ANXA8: variants seen among roughly 807,000 people sequenced by gnomAD.
ANXA8 encodes VAC-beta.
ANXA8 carries 9 observed loss-of-function variants against 26.8 expected under a neutral mutation model. That is an observed-to-expected ratio of 0.34 (90% CI 0.20 to 0.59). The LOEUF is 0.59. Among genes scored for constraint, ANXA8 ranks in the 20% least tolerant of loss-of-function variants. The pLI, the probability that ANXA8 is intolerant of heterozygous loss-of-function variation, is 0.84. For missense variants in ANXA8, 83 were observed against 238.5 expected, an observed-to-expected ratio of 0.35 and a Z score of 4.29; for synonymous variants, 39 against 94.8, an observed-to-expected ratio of 0.41 and a Z score of 3.42.
chr10:47,668,281 A>AT, the ANXA8 span, among the ~76,000 whole-genome samples: 1 of 150,458 alleles, frequency 6.6e-6, no homozygotes, highest in African/African-American at 2.5e-5. Context: ...AAAAGTATCG[A>AT]TTTTTTTTCA....
the ANXA8 span, among the ~76,000 whole-genome samples, chr10:47,676,111 G>T: frequency 6.6e-6 from 1 of 151,594 alleles, no homozygotes; most frequent in Non-Finnish European, 1.5e-5. Flanking sequence ...AAGAATCAGT[G>T]AATATGAAGA....
At chr10:47,488,501 G>T (rs1396189520), upstream of ANXA8, among the ~76,000 whole-genome samples, 1 of 151,032 alleles carries the variant, frequency 6.6e-6, no homozygotes. Context: ...GTGAGCCACT[G>T]CACCTGGCCT....
chr10:47,533,221 A>AC, the ANXA8 span, among the ~76,000 whole-genome samples: 4 of 141,976 alleles, frequency 2.8e-5, no homozygotes, highest in African/African-American at 1.1e-4. Context: ...ACACACACAC[A>AC]CACCCCCGCA....
the ANXA8 span, among the ~76,000 whole-genome samples, chr10:47,762,102 C>T: frequency 5.2e-4 from 70 of 135,532 alleles, no homozygotes; most frequent in Non-Finnish European, 8.1e-4. Context: ...AACCTCTACC[C>T]TCTGGGGCCC....
chr10:47,477,138 C>T lies in ANXA8; in HGVS notation c.264G>A (p.Val88=), dbSNP rs1264359211. The change falls in exon 4 of 12, where the codon GTG becomes GTA. Residue 88 remains valine, a synonymous_variant. Transcript: ENST00000585281. The part of the protein sequence containing the change: ...ELSGKFERLI[V]ALMYPPYRYE... Reference sequence around the variant, plus strand: ...ATCTGTATGGCGGGTACATAAGGGCCACAATGAGCCTCTCAAACTTGCCAC... The same window carrying T: ...ATCTGTATGGCGGGTACATAAGGGCTACAATGAGCCTCTCAAACTTGCCAC... The T allele has an allele frequency of 6.3e-7, 1 of 1,593,030 alleles. No homozygotes were observed. Among genetic ancestry groups the T allele is most frequent in the Admixed American group, 1.7e-5 (1 of 59,572 alleles).
At chr10:47,636,838 T>C in the ANXA8 span, among the ~76,000 whole-genome samples, 8 of 151,374 alleles carry the variant, frequency 5.3e-5, no homozygotes, top group African/African-American at 1.9e-4. Flanking sequence ...TATTCACAGA[T>C]AGGCCTTCAT....
At chr10:47,689,597 T>G in the ANXA8 span, 3 of 507,046 alleles carry the variant, frequency 5.9e-6, no homozygotes, top group Non-Finnish European at 1.1e-5. Flanking sequence ...ATGTTAATTA[T>G]GTTTTTGACT....
At chr10:47,775,902 C>T in the ANXA8 span, among the ~76,000 whole-genome samples, 14 of 151,378 alleles carry the variant, frequency 9.2e-5, no homozygotes, top group Non-Finnish European at 1.3e-4. Flanking sequence ...CTATGTCTAT[C>T]CAATTTCTCT....
At chr10:47,698,982 AG>A in the ANXA8 span, among the ~76,000 whole-genome samples, 4 of 151,786 alleles carry the variant, frequency 2.6e-5, no homozygotes, top group South Asian at 4.2e-4. Flanking sequence ...ACCAGGAAAA[AG>A]ATAAGGATGT....
the ANXA8 span, among the ~76,000 whole-genome samples, chr10:47,568,552 G>T: frequency 9.8e-3 from 224 of 22,884 alleles, 2 homozygotes; most frequent in African/African-American, 0.016. Context: ...TATGAGTCTT[G>T]TTTTTTTTTT....
chr10:47,626,741 G>A, the ANXA8 span, among the ~76,000 whole-genome samples: 1 of 150,258 alleles, frequency 6.7e-6, no homozygotes, highest in Non-Finnish European at 1.5e-5. Context: ...ACATTAATGT[G>A]GTTAATTGTC....
chr10:47,724,868 A>G, the ANXA8 span, among the ~76,000 whole-genome samples: 1 of 137,608 alleles, frequency 7.3e-6, no homozygotes, highest in African/African-American at 2.6e-5. Flanking sequence ...CATGGCAACT[A>G]CGAATCTGCT....
At chr10:47,670,357 T>G in the ANXA8 span, among the ~76,000 whole-genome samples, 1 of 152,008 alleles carries the variant, frequency 6.6e-6, no homozygotes, top group Non-Finnish European at 1.5e-5. Context: ...CATTTGTTTT[T>G]ATTCTTTTAG....
At chr10:47,953,350 A>G in the ANXA8 span, among the ~76,000 whole-genome samples, 1 of 150,286 alleles carries the variant, frequency 6.7e-6, no homozygotes, top group African/African-American at 2.5e-5. Context: ...GCACTGCAGC[A>G]TTACACATCA....
At chr10:47,733,253 T>TTCTCTCTTTCTC in the ANXA8 span, among the ~76,000 whole-genome samples, 1 of 102,160 alleles carries the variant, frequency 9.8e-6, no homozygotes, top group Non-Finnish European at 2.0e-5. Context: ...CTTTCTTTCT[T>TTCTCTCTTTCTC]TCTTTCTTTC....
At chr10:47,726,725 A>C in the ANXA8 span, 1 of 702,840 alleles carries the variant, frequency 1.4e-6, no homozygotes, top group Non-Finnish European at 2.5e-6. Flanking sequence ...AGTTGTTTTA[A>C]GCATTAAAAT....
At chr10:47,744,413 G>GGGGGGGGTGGGGGGGGAGGGGGGAA in the ANXA8 span, among the ~76,000 whole-genome samples, 1 of 3,976 alleles carries the variant, frequency 2.5e-4, no homozygotes, top group Non-Finnish European at 4.7e-4. Context: ...GCTCCTGGTG[G>GGGGGGGGTGGGGGGGGAGGGGGGAA]GGGGGGGGTT....
the ANXA8 span, among the ~76,000 whole-genome samples, chr10:47,945,697 G>A: frequency 1.5e-5 from 2 of 133,408 alleles, no homozygotes; most frequent in Non-Finnish European, 3.2e-5. Flanking sequence ...ACAGTAAGTG[G>A]CAAACACAGA....
At chr10:47,494,830 G>C in the ANXA8 span, among the ~76,000 whole-genome samples, 2 of 151,788 alleles carry the variant, frequency 1.3e-5, no homozygotes, top group East Asian at 3.9e-4. Flanking sequence ...GAAAGGGGCT[G>C]TTCACAGAAG....
Sources: gnomAD v4.1 joint callset for allele counts (sites outside exome capture counted in the v4.1 genomes callset) on GRCh38, gnomAD v4.1.1 for gene constraint, MANE v1.5 for transcripts, NCBI Gene and HGNC (gene_info 2026-07-23, HGNC 2026-07-21) for gene names.